Variants in PLEKHH2 observed in about 807,000 individuals in gnomAD.
PLEKHH2 encodes the protein pleckstrin homology domain-containing family H member 2.
Under a neutral mutation model 187.9 loss-of-function variants are expected in PLEKHH2, and 129 were observed. The ratio of observed to expected loss-of-function variants is 0.69; its 90% CI spans 0.59 to 0.79. The LOEUF is 0.79. PLEKHH2 is among the 30% of genes least tolerant of loss of function. The probability of loss-of-function intolerance (pLI) is 0.00; values close to 1 mark genes in which losing one functional copy is unlikely to be tolerated. For synonymous variants in PLEKHH2, 686 were observed against 605.6 expected, an observed-to-expected ratio of 1.13 and a Z score of -1.95; for missense variants, 2,076 against 1,751.2, an observed-to-expected ratio of 1.19 and a Z score of -3.31.
intron 9 of PLEKHH2, among the ~76,000 whole-genome samples, chr2:43,705,251 CTTT>C (rs5830767): frequency 0.043 from 4,164 of 95,748 alleles, 166 homozygotes; most frequent in African/African-American, 0.17. Context: ...AAATTTTATC[CTTT>C]TTTTTTTTTT....
chr2:43,653,828 G>GA (rs147743688), intron 2 of PLEKHH2, among the ~76,000 whole-genome samples: 7,778 of 151,890 alleles, frequency 0.051, 472 homozygotes, highest in African/African-American at 0.14. Context: ...TTAACTCTAG[G>GA]AAAAAAAAGA....
chr2:43,706,598 A>T (rs1304808389), intron 10 of PLEKHH2, among the ~76,000 whole-genome samples, 182 bp downstream of exon 10: 1 of 152,224 alleles, frequency 6.6e-6, no homozygotes, highest in Non-Finnish European at 1.5e-5. Context: ...TGCAGAAGAC[A>T]CTTATCAGAA....
At chr2:43,742,979 G>T in intron 22 of PLEKHH2, 61 bp downstream of exon 22, 1 of 1,247,924 alleles carries the variant, frequency 8.0e-7, no homozygotes, top group South Asian at 2.3e-5. Context: ...CTGTTATAGG[G>T]AACAGAGACT....
At chr2:43,647,159 G>A (rs1052414065) in intron 2 of PLEKHH2, among the ~76,000 whole-genome samples, 1 of 152,124 alleles carries the variant, frequency 6.6e-6, no homozygotes, top group Non-Finnish European at 1.5e-5. Flanking sequence ...AACAACTTGT[G>A]AAGTAATACA....
At position 43,659,190 on chromosome 2, in the gene PLEKHH2, G is replaced by A. The variant is rs1357985709; in HGVS notation, c.123+14394G>A. ...TTTTTTTGGTAGAAGCGAGGTTTTT[G>A]TCATGTTGCCCAGGCTGGTCTCAAA... On this transcript the variant is annotated intron_variant, in intron 2 of 29. Transcript: ENST00000282406. Among the ~76,000 whole-genome samples the A allele has an allele frequency of 2.7e-5, 4 of 149,480 alleles. No individual in the cohort carries two copies. The East Asian group carries it at 7.8e-4, about 29-fold the overall frequency.
Position 43,743,909 on chromosome 2 carries a change from C to G in PLEKHH2, c.3475C>G (p.Pro1159Ala). 6.2e-7 allele frequency: 1 copy of G among 1,614,004 alleles called. No homozygotes were observed. ...GAACCAGGACACAGGAATGAGGAAA[C>G]CAGCGCAGTCTGGATTTGCGTTGTT... ...TLNQDTGMRK[P>A]AQSGFALFTD... Residue 1159 changes from proline (P) to alanine (A), a missense_variant, in exon 23 of 30, where the codon CCA (proline) becomes GCA (alanine). Transcript: ENST00000282406.
chr2:43,746,694 A>G (rs1188883339), intron 24 of PLEKHH2, among the ~76,000 whole-genome samples: 2 of 152,180 alleles, frequency 1.3e-5, no homozygotes, highest in African/African-American at 4.8e-5. Context: ...ACCCTACTAC[A>G]GATCTGTAGT....
chr2:43,711,329 A>G, intron 14 of PLEKHH2: 3 of 985,444 alleles, frequency 3.0e-6, no homozygotes, highest in Non-Finnish European at 3.6e-6. Flanking sequence ...AGAATCAAGG[A>G]AAGCTTTGTC....
intron 20 of PLEKHH2, 59 bp from the exon 21 acceptor site, chr2:43,740,887 C>T (rs1671531522): frequency 6.3e-7 from 1 of 1,591,334 alleles, no homozygotes; most frequent in African/African-American, 1.3e-5. Context: ...TGCACTCACT[C>T]AGATGTGGAT....
chr2:43,754,331 C>T (rs1672128769), intron 25 of PLEKHH2, among the ~76,000 whole-genome samples: 1 of 152,144 alleles, frequency 6.6e-6, no homozygotes, highest in Admixed American at 6.5e-5. Flanking sequence ...TCTGCCATCC[C>T]TAGGGTGTCA....
Position 43,753,670 on chromosome 2 carries a change from G to C in PLEKHH2, c.3705G>C (p.Leu1235=). 1.3e-6 allele frequency: 2 copies of C among 1,577,660 alleles called. No individual in the cohort carries two copies. The highest frequency in any genetic ancestry group is 2.4e-5 in the South Asian group (2 of 82,296). ...ARGETDREKL[L]LMYQTNDQII... ...GAGAGACTGATAGAGAAAAGTTGCT[G>C]TTAATGTATCAGACAAATGATCAAA... The change falls in exon 25 of 30, where the codon CTG becomes CTC. Residue 1235 remains leucine (L), a synonymous_variant. Coordinates refer to ENST00000282406, the MANE Select transcript of PLEKHH2 (RefSeq NM_172069.4).
In PLEKHH2 at chr2:43,681,499, C is replaced by T. The variant is rs114898041; in HGVS notation, c.186+2574C>T. On this transcript the variant is annotated intron_variant, in intron 3 of 29. Coordinates refer to ENST00000282406, the MANE Select transcript of PLEKHH2 (RefSeq NM_172069.4). ...TCATCTTCTCTTTCCTGGGCATCAA[C>T]GTTATCTTTGTGCAGCTGGCCAGAA... 4,521 of 1,543,518 alleles carry T rather than the reference C, an allele frequency of 2.9e-3. 115 individuals are homozygous for T. The African/African-American group carries it at 0.056, about 19-fold the overall frequency.
chr2:43,649,125 T>C (rs1666345580), intron 2 of PLEKHH2, among the ~76,000 whole-genome samples: 3 of 152,168 alleles, frequency 2.0e-5, no homozygotes, highest in Admixed American at 1.3e-4. Flanking sequence ...CTTATTGAAG[T>C]CTTGGGCAAG....
chr2:43,739,859 T>C (rs1226164356), intron 20 of PLEKHH2, among the ~76,000 whole-genome samples: 1 of 152,226 alleles, frequency 6.6e-6, no homozygotes. Flanking sequence ...GACTTTATAG[T>C]CCAGCCTAAG....
Position 43,700,455 on chromosome 2 carries a change from T to A in PLEKHH2, c.1497T>A (p.Val499=). ...LDLVDGDSTE[V]LENMDTSCDD... is the part of the protein sequence containing the mutation. ...TAGTTGATGGAGACAGTACAGAAGT[T>A]TTAGAGAATATGGACACGAGTTGTG... Residue 499 remains valine (V), a synonymous_variant, in exon 8 of 30, where the codon GTT becomes GTA. Coordinates refer to ENST00000282406, the MANE Select transcript of PLEKHH2 (RefSeq NM_172069.4). 1.2e-6 allele frequency: 2 copies of A among 1,613,952 alleles called. No homozygotes were observed. The highest frequency in any genetic ancestry group is 1.7e-6 in the Non-Finnish European group (2 of 1,180,012).
intron 21 of PLEKHH2, 34 bp downstream of exon 21, chr2:43,741,077 G>A (rs980013824): frequency 6.4e-7 from 1 of 1,552,548 alleles, no homozygotes; most frequent in East Asian, 2.3e-5. Flanking sequence ...AACTGTTTAT[G>A]TGGCCTCTGA....
chr2:43,722,558 A>C (rs559973458), intron 16 of PLEKHH2, among the ~76,000 whole-genome samples: 1 of 152,308 alleles, frequency 6.6e-6, no homozygotes, highest in South Asian at 2.1e-4. Context: ...AGATTCTCTC[A>C]CAGGAAACTC....
At chr2:43,763,906 G>T (rs1672524582) in intron 28 of PLEKHH2, among the ~76,000 whole-genome samples, 1 of 151,940 alleles carries the variant, frequency 6.6e-6, no homozygotes, top group South Asian at 2.1e-4. Context: ...AGAGATATAT[G>T]AAAGGGCATA....
intron 5 of PLEKHH2, 121 bp downstream of exon 5, chr2:43,694,635 A>G: frequency 3.8e-6 from 4 of 1,047,038 alleles, no homozygotes; most frequent in African/African-American, 1.7e-5. Flanking sequence ...TGATACTGCT[A>G]TCTTTTGATA....
Sources: gnomAD v4.1 joint callset for allele counts (sites outside exome capture counted in the v4.1 genomes callset) on GRCh38, gnomAD v4.1.1 for gene constraint, MANE v1.5 for transcripts, NCBI Gene and HGNC (gene_info 2026-07-23, HGNC 2026-07-21) for gene names.